Variants in TLR6 observed in about 807,000 individuals in gnomAD.
The protein encoded by TLR6 is toll like receptor 6.
TLR6 carries 9 observed loss-of-function variants against 16.1 expected under a neutral mutation model. That is an observed-to-expected ratio of 0.56 (90% CI 0.34 to 0.98). The LOEUF (loss-of-function observed/expected upper bound fraction) is 0.98. Ranked by LOEUF, TLR6 falls within the 50% of genes least tolerant of loss-of-function variation. The probability of loss-of-function intolerance (pLI) is 0.02; values close to 1 mark genes in which losing one functional copy is unlikely to be tolerated. For synonymous variants in TLR6, 340 were observed against 338.6 expected (o/e 1.00, Z -0.04); for missense variants, 786 against 921.0 (o/e 0.85, Z 1.90).
intron 1 of TLR6, among the ~76,000 whole-genome samples, chr4:38,841,455 G>A (rs1560268441): frequency 1.3e-5 from 2 of 152,198 alleles, no homozygotes; most frequent in Non-Finnish European, 2.9e-5. Flanking sequence ...TCCAGGCATA[G>A]TGGTGCCTGC....
At chr4:38,864,825 A>C in the TLR6 span, among the ~76,000 whole-genome samples, 1 of 152,096 alleles carries the variant, frequency 6.6e-6, no homozygotes, top group Non-Finnish European at 1.5e-5. Context: ...CAGCCTGGGC[A>C]ACACAGCAAG....
At chr4:38,863,804 C>T in the TLR6 span, among the ~76,000 whole-genome samples, 1 of 152,190 alleles carries the variant, frequency 6.6e-6, no homozygotes, top group Non-Finnish European at 1.5e-5. Flanking sequence ...AGCCTCCATC[C>T]TTCTCTCCCC....
the TLR6 span, among the ~76,000 whole-genome samples, chr4:38,864,745 C>T: frequency 6.6e-6 from 1 of 152,166 alleles, no homozygotes; most frequent in Non-Finnish European, 1.5e-5. Context: ...TGCATGGTGG[C>T]TCACACCTGT....
intron 1 of TLR6, 26 bp from the exon 2 acceptor site, chr4:38,829,563 T>G: frequency 1.3e-6 from 1 of 758,778 alleles, no homozygotes; most frequent in Non-Finnish European, 2.2e-6. Flanking sequence ...ACACTAAGAT[T>G]AATAAAGATC....
upstream of TLR6, among the ~76,000 whole-genome samples, chr4:38,861,158 G>A (rs1294556704): frequency 6.6e-6 from 1 of 151,756 alleles, no homozygotes; most frequent in Non-Finnish European, 1.5e-5. Context: ...TCTCATTGCA[G>A]TCATCTAGTG....
the TLR6 span, chr4:38,868,022 G>A: frequency 2.4e-6 from 1 of 422,526 alleles, no homozygotes; most frequent in Non-Finnish European, 4.8e-6. Context: ...GTCTGGGGCG[G>A]CGCGGCCGAG....
chr4:38,831,994 T>A (rs1019772920), intron 1 of TLR6, among the ~76,000 whole-genome samples: 1 of 152,210 alleles, frequency 6.6e-6, no homozygotes, highest in African/African-American at 2.4e-5. Context: ...ATCACATTCC[T>A]GGGTATTTAA....
At chr4:38,843,065 A>G (rs117188684) in intron 1 of TLR6, among the ~76,000 whole-genome samples, 1 of 152,184 alleles carries the variant, frequency 6.6e-6, no homozygotes, top group South Asian at 2.1e-4. Flanking sequence ...TGCCGTATGG[A>G]AGAGATAACT....
At chr4:38,847,559 C>T (rs1712582029) in intron 1 of TLR6, among the ~76,000 whole-genome samples, 1 of 152,124 alleles carries the variant, frequency 6.6e-6, no homozygotes, top group Non-Finnish European at 1.5e-5. Flanking sequence ...ACAGATGGCA[C>T]CTGGAAAATT....
intron 1 of TLR6, among the ~76,000 whole-genome samples, chr4:38,850,205 C>G (rs1478524759): frequency 6.6e-6 from 1 of 152,132 alleles, no homozygotes; most frequent in Non-Finnish European, 1.5e-5. Context: ...CAACATACCA[C>G]AATCTCAGGG....
In TLR6 at chr4:38,830,044, C is replaced by A. The variant is rs56051942; in HGVS notation, c.-64-507G>T. 9.8e-5 allele frequency among the ~76,000 whole-genome samples: 15 copies of A among 152,330 alleles called. No homozygotes were observed. The South Asian group carries it at 2.9e-3, about 29-fold the overall frequency. On this transcript the variant is annotated intron_variant, in intron 1 of 1. Transcript: ENST00000436693. ...ACCAGGGAGTCCAGAAGTCCACTCA[C>A]GTGCCCAAGGCTGGACGCATGTTCA...
chr4:38,855,166 C>G (rs1181171298), intron 1 of TLR6, among the ~76,000 whole-genome samples: 1 of 148,284 alleles, frequency 6.7e-6, no homozygotes, highest in Non-Finnish European at 1.5e-5. Context: ...GAGCCGAGAT[C>G]GTGCCGCTGC....
intron 1 of TLR6, among the ~76,000 whole-genome samples, chr4:38,833,836 A>ATATT (rs1338342722): frequency 6.6e-6 from 1 of 152,178 alleles, no homozygotes; most frequent in Non-Finnish European, 1.5e-5. Context: ...TCAGAAATTC[A>ATATT]ACAAAGAAAT....
upstream of TLR6, among the ~76,000 whole-genome samples, chr4:38,859,274 G>A (rs1300706302): frequency 1.3e-5 from 2 of 152,204 alleles, no homozygotes; most frequent in Non-Finnish European, 2.9e-5. Flanking sequence ...GGCAGAGACT[G>A]GGGTATTGCA....
At chr4:38,847,214 A>T (rs1237863513) in intron 1 of TLR6, among the ~76,000 whole-genome samples, 1 of 152,230 alleles carries the variant, frequency 6.6e-6, no homozygotes, top group Non-Finnish European at 1.5e-5. Context: ...AACTTTATAA[A>T]GAATACCTCA....
upstream of TLR6, among the ~76,000 whole-genome samples, chr4:38,861,206 C>T (rs940868139): frequency 6.6e-6 from 1 of 152,098 alleles, no homozygotes; most frequent in Admixed American, 6.6e-5. Context: ...GCAGTACTCA[C>T]TATTTCAATC....
At chr4:38,850,957 T>G (rs1712745873) in intron 1 of TLR6, among the ~76,000 whole-genome samples, 1 of 152,174 alleles carries the variant, frequency 6.6e-6, no homozygotes, top group Admixed American at 6.5e-5. Context: ...ATATCCCTGA[T>G]GAACATTAAT....
intron 1 of TLR6, among the ~76,000 whole-genome samples, chr4:38,837,956 A>T (rs1391739318): frequency 6.6e-6 from 1 of 152,230 alleles, no homozygotes; most frequent in Non-Finnish European, 1.5e-5. Context: ...GACATTTCTC[A>T]AAAGAAGACG....
intron 1 of TLR6, among the ~76,000 whole-genome samples, chr4:38,856,132 G>A (rs181392246): frequency 6.6e-6 from 1 of 150,402 alleles, no homozygotes; most frequent in African/African-American, 2.4e-5. Flanking sequence ...TTGCTACACT[G>A]TGCCAGATTC....
Sources: gnomAD v4.1 joint callset for allele counts (sites outside exome capture counted in the v4.1 genomes callset) on GRCh38, gnomAD v4.1.1 for gene constraint, MANE v1.5 for transcripts, NCBI Gene and HGNC (gene_info 2026-07-23, HGNC 2026-07-21) for gene names.